The following ANKRD31 variants were observed in gnomAD, a reference collection of about 807,000 sequenced individuals.
ANKRD31 encodes the protein ankyrin repeat domain-containing protein 31.
In ANKRD31, 147 loss-of-function variants were observed where a neutral mutation model predicts 186.0. The ratio of observed to expected loss-of-function variants is 0.79; its 90% confidence interval spans 0.69 to 0.91. The LOEUF (loss-of-function observed/expected upper bound fraction) is 0.91, where lower values mean the gene tolerates loss of function less well. Ranked by LOEUF, ANKRD31 falls within the 40% of genes least tolerant of loss-of-function variation. The probability of loss-of-function intolerance (pLI) is 0.00; values close to 1 mark genes in which losing one functional copy is unlikely to be tolerated. For missense variants in ANKRD31, 1,986 were observed against 2,148.8 expected (o/e 0.92, Z 1.50); for synonymous variants, 673 against 736.4 (o/e 0.91, Z 1.39).
intron 5 of ANKRD31, among the ~76,000 whole-genome samples, chr5:75,205,830 C>A (rs1355594430): frequency 1.3e-5 from 2 of 152,058 alleles, no homozygotes; most frequent in Non-Finnish European, 2.9e-5. Context: ...TTGGTAGACA[C>A]TGCAAAGAGA....
intron 22 of ANKRD31, among the ~76,000 whole-genome samples, chr5:75,094,570 A>G (rs1746168930): frequency 6.6e-6 from 1 of 152,190 alleles, no homozygotes; most frequent in South Asian, 2.1e-4. Context: ...AGAATTCTAC[A>G]TTGGAAAATA....
intron 10 of ANKRD31, among the ~76,000 whole-genome samples, chr5:75,186,159 C>T (rs1238025949): frequency 6.6e-6 from 1 of 152,126 alleles, no homozygotes; most frequent in Non-Finnish European, 1.5e-5. Flanking sequence ...AGATGGAACA[C>T]ATTCTACAAC....
At chr5:75,158,715 C>A (rs1752369689) in intron 11 of ANKRD31, among the ~76,000 whole-genome samples, 1 of 152,050 alleles carries the variant, frequency 6.6e-6, no homozygotes, top group African/African-American at 2.4e-5. Flanking sequence ...TCACCTGTTC[C>A]CAAAAATTCG....
At chr5:75,234,554 T>C (rs1167798683) in intron 1 of ANKRD31, among the ~76,000 whole-genome samples, 3 of 152,260 alleles carry the variant, frequency 2.0e-5, no homozygotes, top group Admixed American at 6.5e-5. Context: ...ATAGGGTATG[T>C]AGTAAAATAT....
rs947318316 is a variant in ANKRD31, at chr5:75,195,545, T to C, written c.1017+86A>G. ...TAGACTCATATTTTCAGCTACTTGC[T>C]CCACTGAAAGATGCTTGTCCTATAG... is the stretch of plus-strand genomic sequence containing the variant. On this transcript the variant is annotated intron_variant, in intron 7 of 25. Coordinates refer to ENST00000506364, the MANE Select transcript of ANKRD31 (RefSeq NM_001372053.1). 4 of 1,140,564 alleles carry C rather than the reference T, an allele frequency of 3.5e-6. No individual in the cohort carries two copies. The African/African-American group carries it at 6.3e-5, about 18-fold the overall frequency. 70.7% of individuals were successfully genotyped at this position (1,140,564 alleles called of 1,614,324 possible).
intron 17 of ANKRD31, among the ~76,000 whole-genome samples, chr5:75,130,119 T>A (rs1025798905): frequency 6.6e-6 from 1 of 152,170 alleles, no homozygotes; most frequent in African/African-American, 2.4e-5. Flanking sequence ...GGGTTCTTGG[T>A]CTCACTGACC....
At chr5:75,167,287 T>C (rs1752997980) in intron 11 of ANKRD31, among the ~76,000 whole-genome samples, 1 of 152,072 alleles carries the variant, frequency 6.6e-6, no homozygotes, top group African/African-American at 2.4e-5. Flanking sequence ...CCTTCAACAC[T>C]CCAGAATGCT....
At chr5:75,099,614 T>C (rs1746647274) in intron 22 of ANKRD31, among the ~76,000 whole-genome samples, 1 of 152,196 alleles carries the variant, frequency 6.6e-6, no homozygotes, top group Non-Finnish European at 1.5e-5. Flanking sequence ...TCAGAGCCTG[T>C]TATTGGTCTA....
chr5:75,171,900 A>C (rs1326167728), intron 10 of ANKRD31, among the ~76,000 whole-genome samples: 2 of 151,874 alleles, frequency 1.3e-5, no homozygotes, highest in Non-Finnish European at 2.9e-5. Flanking sequence ...AAAATAGAAG[A>C]GGTGAGAAGA....
chr5:75,219,709 A>C (rs889179060), intron 3 of ANKRD31, among the ~76,000 whole-genome samples: 2 of 152,224 alleles, frequency 1.3e-5, no homozygotes, highest in African/African-American at 4.8e-5. Flanking sequence ...CAAAAGAAAA[A>C]GCTGGAGGAA....
intron 15 of ANKRD31, 32 bp from the exon 16 acceptor site, chr5:75,139,015 C>T (rs1409713240): frequency 6.5e-7 from 1 of 1,532,740 alleles, no homozygotes; most frequent in Non-Finnish European, 8.7e-7. Context: ...GGTTTATTTT[C>T]TGCCAAATGC....
chr5:75,230,309 A>G (rs1757873625), intron 2 of ANKRD31, among the ~76,000 whole-genome samples: 1 of 152,234 alleles, frequency 6.6e-6, no homozygotes, highest in African/African-American at 2.4e-5. Context: ...GAATGTATGT[A>G]TAGCTCACAT....
Position 75,178,190 on chromosome 5 carries a change from T to G in ANKRD31, c.1565-9069A>C, listed in dbSNP as rs1753974498. Reference sequence around the variant, plus strand: ...ATTCAACAAGAAGAGCTAACTGTCCTAAATATATATGCACCCAATACAGGA... The same window carrying G: ...ATTCAACAAGAAGAGCTAACTGTCCGAAATATATATGCACCCAATACAGGA... On this transcript the variant is annotated intron_variant, in intron 10 of 25. Transcript: ENST00000506364. Among the ~76,000 whole-genome samples the G allele has an allele frequency of 2.6e-5, 4 of 152,222 alleles. No homozygotes were observed. In the South Asian group the frequency reaches 8.3e-4, roughly 32 times the overall value.
At chr5:75,186,141 CA>C (rs1754698308) in intron 10 of ANKRD31, among the ~76,000 whole-genome samples, 1 of 152,042 alleles carries the variant, frequency 6.6e-6, no homozygotes, top group Non-Finnish European at 1.5e-5. Flanking sequence ...ACCACCCCTC[CA>C]AAATAAAGAT....
At chr5:75,180,506 A>G (rs559057474) in intron 10 of ANKRD31, among the ~76,000 whole-genome samples, 2 of 152,298 alleles carry the variant, frequency 1.3e-5, no homozygotes, top group East Asian at 3.9e-4. Flanking sequence ...ACAGTAACCA[A>G]AACAGCATGG....
intron 22 of ANKRD31, among the ~76,000 whole-genome samples, chr5:75,100,222 T>G (rs969029589): frequency 2.4e-4 from 36 of 152,224 alleles, no homozygotes; most frequent in African/African-American, 8.4e-4. Context: ...TTTCCATGTA[T>G]TTGAGCGGTT....
At chr5:75,140,766 C>G (rs1750994108) in intron 15 of ANKRD31, among the ~76,000 whole-genome samples, 1 of 152,202 alleles carries the variant, frequency 6.6e-6, no homozygotes, top group Non-Finnish European at 1.5e-5. Flanking sequence ...TGGCCACCAG[C>G]CAATCACCAG....
In ANKRD31 at chr5:75,068,447, A is replaced by G. The variant is rs984190103; in HGVS notation, c.*72T>C. On this transcript the variant is annotated 3_prime_UTR_variant, in exon 26 of 26. Transcript: ENST00000506364. ...TATGTTAAAATAGGCCCACCAGATTATACAAGATGAAATATAAATGTTTGT... is the reference window on the plus strand; with the variant it reads ...TATGTTAAAATAGGCCCACCAGATTGTACAAGATGAAATATAAATGTTTGT... 2.9e-6 allele frequency: 4 copies of G among 1,367,806 alleles called. No individual in the cohort carries two copies. The East Asian group carries it at 8.0e-5, about 27-fold the overall frequency. The allele number at this position is 1,367,806 out of a possible 1,614,324, so 84.7% of individuals were successfully genotyped here. A position where few individuals can be genotyped will look rare whatever the true frequency, so the allele number is the denominator to read the frequency against.
In ANKRD31 at chr5:75,107,644, C is replaced by T. The variant is rs1269173046; in HGVS notation, c.4244-27G>A. The T allele has an allele frequency of 1.3e-5, 18 of 1,391,014 alleles. 1 individual carries two copies. In the South Asian group the frequency reaches 2.4e-4, roughly 19 times the overall value. 86.2% of individuals were successfully genotyped at this position (1,391,014 alleles called of 1,614,324 possible). A position where few individuals can be genotyped will look rare whatever the true frequency, so the allele number is the denominator to read the frequency against. On this transcript the variant is annotated intron_variant, in intron 20 of 25. Transcript: ENST00000506364. ...TAGAAACATGACAATAAAAAGTTAG[C>T]TAACTGAGGGAGAGTGAATGTCAAA...
Sources: allele counts gnomAD v4.1 joint callset (sites outside exome capture counted in the v4.1 genomes callset), GRCh38; gene constraint gnomAD v4.1.1; transcripts MANE v1.5; gene names NCBI Gene and HGNC (gene_info 2026-07-23, HGNC 2026-07-21).